Variants in SUGCT observed in about 807,000 individuals in gnomAD.
The protein encoded by SUGCT is succinyl-CoA:glutarate CoA-transferase.
SUGCT carries 41 observed loss-of-function variants against 55.0 expected under a neutral mutation model. The observed-to-expected ratio is 0.74, with a 90% CI of 0.58 to 0.97. The LOEUF (loss-of-function observed/expected upper bound fraction) is 0.97, where lower values mean the gene tolerates loss of function less well. SUGCT is among the 50% of genes least tolerant of loss of function. SUGCT has a pLI of 0.00. For synonymous variants in SUGCT, 187 were observed against 200.4 expected (o/e 0.93, Z 0.56); for missense variants, 568 against 547.8 (o/e 1.04, Z -0.37).
the SUGCT span, among the ~76,000 whole-genome samples, chr7:41,001,319 C>G: frequency 6.6e-6 from 1 of 151,776 alleles, no homozygotes; most frequent in African/African-American, 2.4e-5. Flanking sequence ...TAACATCCTG[C>G]TGAGATATAA....
At chr7:40,357,721 ATCTTTTT>A (rs543824552) in intron 9 of SUGCT, among the ~76,000 whole-genome samples, 22 of 152,056 alleles carry the variant, frequency 1.4e-4, no homozygotes, top group Admixed American at 3.3e-4. Flanking sequence ...TTAAAAATTT[ATCTTTTT>A]TCTTTTTTCT....
chr7:40,386,045 A>G (rs1354396024), intron 9 of SUGCT, among the ~76,000 whole-genome samples: 1 of 152,214 alleles, frequency 6.6e-6, no homozygotes, highest in African/African-American at 2.4e-5. Context: ...AAGTAAGAGT[A>G]AAGAAATATG....
chr7:40,200,080 C>T (rs866629482), intron 6 of SUGCT, among the ~76,000 whole-genome samples: 9 of 152,008 alleles, frequency 5.9e-5, no homozygotes, highest in African/African-American at 2.2e-4. Flanking sequence ...CATGAGTATT[C>T]GTCATTCTGT....
intron 12 of SUGCT, among the ~76,000 whole-genome samples, chr7:40,543,486 T>G (rs557552416): frequency 1.4e-3 from 207 of 152,316 alleles, no homozygotes; most frequent in African/African-American, 4.8e-3. Context: ...CTGCCGTACA[T>G]CTGTTTAACA....
At chr7:40,929,719 CT>C in the SUGCT span, among the ~76,000 whole-genome samples, 1 of 152,172 alleles carries the variant, frequency 6.6e-6, no homozygotes, top group African/African-American at 2.4e-5. Context: ...TAAATGTCTT[CT>C]TTTGAGAACT....
chr7:40,157,420 C>T (rs1439409872), intron 1 of SUGCT, among the ~76,000 whole-genome samples: 1 of 152,108 alleles, frequency 6.6e-6, no homozygotes, highest in African/African-American at 2.4e-5. Context: ...ATTGCATTGT[C>T]TATGGGGTAT....
At chr7:40,961,040 G>GCACATA in the SUGCT span, among the ~76,000 whole-genome samples, 2 of 152,208 alleles carry the variant, frequency 1.3e-5, no homozygotes, top group African/African-American at 2.4e-5. Context: ...AAAATACTAT[G>GCACATA]CACATACACA....
At chr7:40,985,541 G>A in the SUGCT span, among the ~76,000 whole-genome samples, 2 of 152,278 alleles carry the variant, frequency 1.3e-5, no homozygotes, top group East Asian at 1.9e-4. Context: ...GTTGATGACA[G>A]CAGTTTTACC....
chr7:40,210,251 T>A (rs1161769838), intron 6 of SUGCT, among the ~76,000 whole-genome samples: 1 of 151,818 alleles, frequency 6.6e-6, no homozygotes, highest in East Asian at 1.9e-4. Context: ...TTTCACCATA[T>A]TGGCCAGGCT....
At position 40,194,320 on chromosome 7, in the gene SUGCT, G is replaced by A. The variant is rs373668354; in HGVS notation, c.364-620G>A. ...ACAGTCTCCCAGGCTGGAGTGCAGT[G>A]GCGCCATCACGGCTCATTGCAGCCT... On this transcript the variant is annotated intron_variant, in intron 5 of 13. Coordinates refer to ENST00000335693, the MANE Select transcript of SUGCT (RefSeq NM_001193313.2). Among the ~76,000 whole-genome samples, 423 of 152,284 alleles carry A rather than the reference G, an allele frequency of 2.8e-3. 1 individual carries two copies. The highest frequency in any genetic ancestry group is 9.5e-3 in the African/African-American group (396 of 41,542).
intron 8 of SUGCT, among the ~76,000 whole-genome samples, chr7:40,309,396 G>A (rs1338801514): frequency 2.6e-5 from 4 of 152,056 alleles, no homozygotes; most frequent in African/African-American, 9.7e-5. Flanking sequence ...TCCGCCTCAA[G>A]CGATTCTCCT....
intron 12 of SUGCT, among the ~76,000 whole-genome samples, chr7:40,549,951 A>C (rs953924508): frequency 6.6e-6 from 1 of 152,158 alleles, no homozygotes; most frequent in African/African-American, 2.4e-5. Flanking sequence ...GAGGATTGTA[A>C]GGAGGAGATA....
rs563294960 is a variant in SUGCT, at chr7:40,600,089, C to T, written c.1089+103703C>T. On this transcript the variant is annotated intron_variant, in intron 12 of 13. Coordinates refer to ENST00000335693, the MANE Select transcript of SUGCT (RefSeq NM_001193313.2). Reference sequence around the variant, plus strand: ...TCTTTCTATGGGACTGGTACTATGACCCATACCTGAAGTTGAAAGCAGTCT... The same window carrying T: ...TCTTTCTATGGGACTGGTACTATGATCCATACCTGAAGTTGAAAGCAGTCT... 2.0e-5 allele frequency among the ~76,000 whole-genome samples: 3 copies of T among 152,282 alleles called. No homozygotes were observed. In the South Asian group the frequency reaches 6.2e-4, roughly 32 times the overall value.
At chr7:40,867,700 A>G in the SUGCT span, among the ~76,000 whole-genome samples, 1 of 152,204 alleles carries the variant, frequency 6.6e-6, no homozygotes, top group Non-Finnish European at 1.5e-5. Flanking sequence ...CAAATATTGG[A>G]GCAGAAGCAA....
At chr7:40,675,420 T>C (rs1477439500) in intron 12 of SUGCT, among the ~76,000 whole-genome samples, 1 of 152,232 alleles carries the variant, frequency 6.6e-6, no homozygotes, top group Non-Finnish European at 1.5e-5. Context: ...CCTATATGCA[T>C]ATATATTTGT....
At chr7:40,183,214 A>C (rs1180961648) in intron 3 of SUGCT, among the ~76,000 whole-genome samples, 1 of 152,160 alleles carries the variant, frequency 6.6e-6, no homozygotes, top group Non-Finnish European at 1.5e-5. Context: ...TGGAGGTTTC[A>C]GTGAGCCGAG....
intron 12 of SUGCT, among the ~76,000 whole-genome samples, chr7:40,640,069 T>G (rs1800201991): frequency 1.3e-5 from 2 of 152,184 alleles, no homozygotes; most frequent in Non-Finnish European, 2.9e-5. Context: ...AGAACTCATT[T>G]CAGAAAGACA....
At chr7:40,224,460 T>C (rs1382848748) in intron 6 of SUGCT, among the ~76,000 whole-genome samples, 1 of 150,830 alleles carries the variant, frequency 6.6e-6, no homozygotes, top group East Asian at 1.9e-4. Context: ...GTGTATGTGA[T>C]TGTGAGTTTA....
At chr7:40,184,849 T>C (rs918403312) in intron 3 of SUGCT, among the ~76,000 whole-genome samples, 2 of 152,188 alleles carry the variant, frequency 1.3e-5, no homozygotes, top group Non-Finnish European at 2.9e-5. Flanking sequence ...GTAGAATATC[T>C]TTTTGTTTGT....
Sources: gnomAD v4.1 joint callset for allele counts (sites outside exome capture counted in the v4.1 genomes callset) on GRCh38, gnomAD v4.1.1 for gene constraint, MANE v1.5 for transcripts, NCBI Gene and HGNC (gene_info 2026-07-23, HGNC 2026-07-21) for gene names.